FBXL13: variants seen among roughly 807,000 people sequenced by gnomAD.
FBXL13 encodes F-box and leucine rich repeat protein 13.
In FBXL13, 67 loss-of-function variants were observed where a neutral mutation model predicts 83.6. The observed-to-expected ratio is 0.80, with a 90% CI of 0.66 to 0.98. FBXL13 has a LOEUF of 0.98. Among genes scored for constraint, FBXL13 ranks in the 50% least tolerant of loss-of-function variants. The pLI, the probability that FBXL13 is intolerant of heterozygous loss-of-function variation, is 0.00. For missense variants in FBXL13, 822 were observed against 866.5 expected, an observed-to-expected ratio of 0.95 and a Z score of 0.64; for synonymous variants, 272 against 299.5, an observed-to-expected ratio of 0.91 and a Z score of 0.95.
chr7:102,985,551 A>G (rs1230295756), intron 6 of FBXL13, among the ~76,000 whole-genome samples: 1 of 152,216 alleles, frequency 6.6e-6, no homozygotes. Flanking sequence ...TTCTACATAG[A>G]TAAGGCTATA....
intron 19 of FBXL13, among the ~76,000 whole-genome samples, chr7:102,817,157 A>G (rs142583060): frequency 2.0e-5 from 3 of 152,280 alleles, no homozygotes; most frequent in Admixed American, 1.3e-4. Flanking sequence ...TGGTAATTCT[A>G]TTTTAGTTCT....
At chr7:102,926,135 C>T in intron 10 of FBXL13, 139 bp downstream of exon 11, 1 of 667,412 alleles carries the variant, frequency 1.5e-6, no homozygotes, top group South Asian at 2.0e-5. Flanking sequence ...TTGAAAGCAG[C>T]AGACCCCTTA....
chr7:102,964,668 G>T (rs1412630816), intron 7 of FBXL13, among the ~76,000 whole-genome samples: 1 of 152,148 alleles, frequency 6.6e-6, no homozygotes, highest in African/African-American at 2.4e-5. Context: ...TTCCCAAAGT[G>T]CTGGGATTAC....
At chr7:102,879,326 G>C (rs190972348) in intron 14 of FBXL13, among the ~76,000 whole-genome samples, 33 of 152,216 alleles carry the variant, frequency 2.2e-4, no homozygotes, top group Admixed American at 1.6e-3. Context: ...TAAGGCAAAA[G>C]ATATCCTGTT....
chr7:102,983,421 C>CTTTTTTTTTTTTTTTTTTTTTTTT, intron 6 of FBXL13, among the ~76,000 whole-genome samples: 1 of 145,444 alleles, frequency 6.9e-6, no homozygotes, highest in Non-Finnish European at 1.5e-5. Context: ...TCTTTTTTCC[C>CTTTTTTTTTTTTTTTTTTTTTTTT]CTTTTTTTTT....
intron 8 of FBXL13, among the ~76,000 whole-genome samples, chr7:102,953,558 G>T (rs78748977): frequency 0.022 from 3,386 of 152,256 alleles, 148 homozygotes; most frequent in East Asian, 0.16. Flanking sequence ...GAATGGGTAT[G>T]AGCTTCCTCT....
At chr7:103,025,133 G>A in exon 6 of FBXL13, 1 of 1,612,588 alleles carries the variant, frequency 6.2e-7, no homozygotes, top group South Asian at 1.1e-5. Context: ...AAAGACTTCA[G>A]AAGAACTTCG....
chr7:102,919,924 A>G (rs1584938850), intron 10 of FBXL13, among the ~76,000 whole-genome samples: 1 of 152,246 alleles, frequency 6.6e-6, no homozygotes, highest in East Asian at 1.9e-4. Context: ...CCTAGAGTTA[A>G]GACTACATAC....
At chr7:102,886,502 C>T (rs111839715) in intron 11 of FBXL13, among the ~76,000 whole-genome samples, 7 of 152,166 alleles carry the variant, frequency 4.6e-5, no homozygotes, top group East Asian at 3.8e-4. Context: ...AATGTCACTT[C>T]CTTAGGAAGT....
chr7:102,915,122 A>AT (rs386410852), intron 10 of FBXL13, among the ~76,000 whole-genome samples: 16,357 of 128,090 alleles, frequency 0.13, 1,135 homozygotes, highest in African/African-American at 0.18. Context: ...AGATTAAAAT[A>AT]TTTTTTTTTT....
At chr7:103,053,087 T>C (rs966989233) in intron 2 of FBXL13, among the ~76,000 whole-genome samples, 1 of 151,976 alleles carries the variant, frequency 6.6e-6, no homozygotes, top group Non-Finnish European at 1.5e-5. Context: ...AACTTTAGGT[T>C]TGAAGTAGCT....
intron 18 of FBXL13, among the ~76,000 whole-genome samples, chr7:102,823,756 G>C (rs1799147001): frequency 6.6e-6 from 1 of 152,162 alleles, no homozygotes; most frequent in Non-Finnish European, 1.5e-5. Context: ...TTAACATAAA[G>C]TTAAAAGAAA....
intron 6 of FBXL13, among the ~76,000 whole-genome samples, chr7:103,014,069 T>C (rs1334523872): frequency 6.6e-6 from 1 of 152,000 alleles, no homozygotes; most frequent in African/African-American, 2.4e-5. Flanking sequence ...ACATACAACC[T>C]CCAAAGATTG....
intron 1 of FBXL13, among the ~76,000 whole-genome samples, chr7:103,057,183 A>G (rs1433905470): frequency 6.6e-6 from 1 of 152,204 alleles, no homozygotes; most frequent in East Asian, 1.9e-4. Flanking sequence ...ATGTGTTTTT[A>G]CATACCCCTC....
intron 14 of FBXL13, among the ~76,000 whole-genome samples, chr7:102,879,281 C>T (rs566069965): frequency 6.6e-6 from 1 of 152,258 alleles, no homozygotes; most frequent in East Asian, 1.9e-4. Flanking sequence ...CGTTTACACC[C>T]TCCGTTTGTT....
At chr7:102,934,525 G>T in intron 8 of FBXL13, 1 of 1,605,660 alleles carries the variant, frequency 6.2e-7, no homozygotes, top group Non-Finnish European at 8.5e-7. Context: ...AAAAACTGCG[G>T]CAGATAAAAT....
At chr7:102,996,381 G>A (rs148689054) in intron 6 of FBXL13, among the ~76,000 whole-genome samples, 18 of 152,308 alleles carry the variant, frequency 1.2e-4, no homozygotes, top group African/African-American at 3.8e-4. Flanking sequence ...TTGCAGCACT[G>A]ATATAATGAC....
intron 6 of FBXL13, chr7:102,973,211 G>A: frequency 4.2e-6 from 1 of 235,434 alleles, no homozygotes; most frequent in South Asian, 5.5e-5. Context: ...TTTTGTTTTT[G>A]AAAGATTCTC....
At chr7:102,943,358 T>A (rs1040964925) in intron 8 of FBXL13, among the ~76,000 whole-genome samples, 29 of 148,388 alleles carry the variant, frequency 2.0e-4, no homozygotes, top group African/African-American at 6.6e-4. Context: ...AAGCCCAAAA[T>A]ACATTTTTTA....
Sources: gnomAD v4.1 joint callset for allele counts (sites outside exome capture counted in the v4.1 genomes callset) on GRCh38, gnomAD v4.1.1 for gene constraint, MANE v1.5 for transcripts, NCBI Gene and HGNC (gene_info 2026-07-23, HGNC 2026-07-21) for gene names.